Variants in PITPNM1 observed in about 807,000 individuals in gnomAD.
PITPNM1 encodes membrane-associated phosphatidylinositol transfer protein 1.
Under a neutral mutation model 133.3 loss-of-function variants are expected in PITPNM1, and 74 were observed. The ratio of observed to expected loss-of-function variants is 0.56; its 90% CI spans 0.46 to 0.67. The LOEUF is 0.67. Ranked by LOEUF, PITPNM1 falls within the 30% of genes least tolerant of loss-of-function variation. The pLI, the probability that PITPNM1 is intolerant of heterozygous loss-of-function variation, is 0.00. For synonymous variants in PITPNM1, 738 were observed against 741.4 expected (o/e 1.00, Z 0.08); for missense variants, 1,398 against 1,739.5 (o/e 0.80, Z 3.49).
chr11:67,497,396 G>A lies in PITPNM1; in HGVS notation c.1981C>T (p.Arg661Trp), dbSNP rs1189703345. 1.3e-5 allele frequency: 20 copies of A among 1,590,684 alleles called. No individual in the cohort carries two copies. Among genetic ancestry groups the A allele is most frequent in the Middle Eastern group, 1.7e-4 (1 of 5,980 alleles). The stretch of plus-strand genomic sequence containing the variant: ...GGGCAGAAGGCCGTGCTTGCCCGCC[G>A]GGGCTCCCAGGAGGAGGTGGTTGCG... Reference protein sequence around the residue: ...APATTSSWEPRRASTAFCPPA... With the variant: ...APATTSSWEPWRASTAFCPPA... The change falls in exon 14 of 24, where the codon CGG becomes TGG. Residue 661 changes from arginine (R) to tryptophan (W), a missense_variant. Arg to Trp is a moderately radical substitution (Grantham distance 101). Coordinates refer to ENST00000356404, the MANE Select transcript of PITPNM1 (RefSeq NM_004910.3).
At position 67,501,869 on chromosome 11, in the gene PITPNM1, A is replaced by G. The variant is rs1273345618; in HGVS notation, c.633T>C (p.His211=). The change falls in exon 5 of 24, where the codon CAT becomes CAC. Residue 211 remains histidine (H), a synonymous_variant. Transcript: ENST00000356404. ...GMQAKIEQFI[H]DVGLRRVMLR... ...CCGCAGCTGGGTGCTCACCTACATC[A>G]TGGATGAACTGCTCGATCTTGGCTT... The G allele has an allele frequency of 1.9e-6, 3 of 1,613,620 alleles. No individual in the cohort carries two copies. The highest frequency in any genetic ancestry group is 2.5e-6 in the Non-Finnish European group (3 of 1,179,962).
chr11:67,493,989 GGCGGCCCGA>G lies in PITPNM1; in HGVS notation c.2932_2940del (p.Ser978_Arg980del). 1 of 1,612,056 alleles carries G rather than the reference GGCGGCCCGA, an allele frequency of 6.2e-7. No homozygotes were observed. The highest frequency in any genetic ancestry group is 1.1e-5 in the South Asian group (1 of 90,950). On this transcript the variant is annotated inframe_deletion, in exon 20 of 24. Transcript: ENST00000356404. ...CGTTCTGGGGGAACTGGGAAGGTGA[GGCGGCCCGA>G]GCTATTGGTGACTTCGGTGCCAAAG...
At chr11:67,496,401 C>A in intron 14 of PITPNM1, 53 bp from the exon 15 acceptor site, 3 of 1,509,924 alleles carry the variant, frequency 2.0e-6, no homozygotes, top group South Asian at 1.3e-5. Flanking sequence ...CAGCTGGGCA[C>A]TCTGGGAGGT....
In PITPNM1 at chr11:67,499,947, T is replaced by A; in HGVS notation, c.1030A>T (p.Asn344Tyr). 6.2e-7 allele frequency: 1 copy of A among 1,612,420 alleles called. No homozygotes were observed. Among genetic ancestry groups the A allele is most frequent in the Non-Finnish European group, 8.5e-7 (1 of 1,179,792 alleles). The change falls in exon 7 of 24, where the codon AAC becomes TAC. Residue 344 changes from asparagine (N) to tyrosine (Y), a missense_variant. Asn to Tyr is a moderately radical substitution (Grantham distance 143). Around this residue, in one of 5 missense-constraint regions of PITPNM1, gnomAD observed 195 missense variants for 178.8 expected, o/e 1.09. Transcript: ENST00000356404. ...TCAAAGAACTCTTCCTCGGAGCTGT[T>A]CTCAGAGTCTCGGGCAATGTTCTGC... is the stretch of plus-strand genomic sequence containing the variant. Reference protein sequence around the residue: ...RMQNIARDSENSSEEEFFDAH... With the variant: ...RMQNIARDSEYSSEEEFFDAH...
At chr11:67,499,104 G>C in intron 8 of PITPNM1, 103 bp from the exon 9 acceptor site, 2 of 1,132,930 alleles carry the variant, frequency 1.8e-6, no homozygotes, top group Admixed American at 2.5e-5. Flanking sequence ...GAGGCCCCCA[G>C]TCCCTACCTT....
rs1866192440 is a variant in PITPNM1, at chr11:67,498,145, G to T, written c.1662C>A (p.Gly554=). The T allele has an allele frequency of 6.2e-6, 10 of 1,612,826 alleles. No homozygotes were observed. The highest frequency in any genetic ancestry group is 8.5e-6 in the Non-Finnish European group (10 of 1,179,972). The change falls in exon 11 of 24, where the codon GGC becomes GGA. Residue 554 remains glycine (G), a synonymous_variant. Transcript: ENST00000356404. This position sits in a 1 kb window ranked among gnomAD's most constrained non-coding sequence, Gnocchi z 5.7. ...SAFLRSPEGA[G]FCGQVALIGD... ...CCTAACCGCTGACCTGCCCACAGAA[G>T]CCGGCACCCTCAGGTGAGCGCAGGA...
chr11:67,496,455 G>T, intron 14 of PITPNM1, 107 bp from the exon 15 acceptor site: 4 of 1,006,132 alleles, frequency 4.0e-6, no homozygotes, highest in Non-Finnish European at 5.6e-6. Flanking sequence ...GTGACCCCGA[G>T]CCAGCACTTC....
rs1455082560 is a variant in PITPNM1, at chr11:67,496,277, G to A, written c.2218C>T (p.Leu740Phe). 3 of 1,569,098 alleles carry A rather than the reference G, an allele frequency of 1.9e-6. No individual in the cohort carries two copies. Among genetic ancestry groups the A allele is most frequent in the Non-Finnish European group, 2.6e-6 (3 of 1,163,886 alleles). The change falls in exon 15 of 24, where the codon CTC (leucine) becomes TTC (phenylalanine). Residue 740 changes from leucine to phenylalanine, a missense_variant. By Grantham distance (22) the Leu-to-Phe change is conservative (BLOSUM62 0). Coordinates refer to ENST00000356404, the MANE Select transcript of PITPNM1 (RefSeq NM_004910.3). ...FHAADPCASR[L>F]EPLLAPKFQA... ...AACTTCGGGGCCAGCAGGGGCTCGA[G>A]GCGTGAGGCGCAGGGGTCAGCCGCG...
intron 5 of PITPNM1, 32 bp downstream of exon 5, chr11:67,501,830 G>GT (rs745990536): frequency 6.3e-7 from 1 of 1,588,946 alleles, no homozygotes; most frequent in Non-Finnish European, 8.6e-7. Context: ...GGCATGCTGG[G>GT]TAAGTGGGAC....
In PITPNM1 at chr11:67,492,050, G is replaced by A; in HGVS notation, c.3718C>T (p.Leu1240=). Residue 1240 remains leucine (L), a synonymous_variant, in exon 24 of 24, where the codon CTG becomes TTG. Coordinates refer to ENST00000356404, the MANE Select transcript of PITPNM1 (RefSeq NM_004910.3). ...TGTGGGCCTCACTCCTCGCTGTCCA[G>A]CTTCAGGCTGATGCTCCGTGCTTTG... ...RGKARSISLK[L]DSEE The A allele has an allele frequency of 6.2e-7, 1 of 1,612,426 alleles. No individual in the cohort carries two copies. Among genetic ancestry groups the A allele is most frequent in the Non-Finnish European group, 8.5e-7 (1 of 1,179,854 alleles).
chr11:67,499,910 T>A lies in PITPNM1; in HGVS notation c.1063+4A>T. 1 of 1,611,504 alleles carries A rather than the reference T, an allele frequency of 6.2e-7. No homozygotes were observed. The highest frequency in any genetic ancestry group is 1.1e-5 in the South Asian group (1 of 91,060). On this transcript the variant is annotated splice_donor_region_variant and intron_variant, in intron 7 of 23. Transcript: ENST00000356404. ...CCACTCCCAAAAAGGGCCTCAGTGC[T>A]GACCGTGGGCATCAAAGAACTCTTC...
Position 67,502,159 on chromosome 11 carries a change from G to T in PITPNM1, c.416-73C>A. ...CCGCTCCTGGCACCCTCTTGGGACT[G>T]GATGACAGTTCCCGTCCTTTTGCAG... On this transcript the variant is annotated intron_variant, in intron 4 of 23. Coordinates refer to ENST00000356404, the MANE Select transcript of PITPNM1 (RefSeq NM_004910.3). This position sits in a 1 kb window ranked among gnomAD's most constrained non-coding sequence, Gnocchi z 5.9. 1 of 1,557,944 alleles carries T rather than the reference G, an allele frequency of 6.4e-7. No homozygotes were observed. The highest frequency in any genetic ancestry group is 1.4e-5 in the African/African-American group (1 of 73,782).
At position 67,494,260 on chromosome 11, in the gene PITPNM1, G is replaced by A. The variant is rs751785595; in HGVS notation, c.2843C>T (p.Thr948Met). 2.4e-5 allele frequency: 38 copies of A among 1,612,466 alleles called. No homozygotes were observed. Among genetic ancestry groups the A allele is most frequent in the South Asian group, 3.3e-5 (3 of 91,078 alleles). The change falls in exon 19 of 24, where the codon ACG becomes ATG. Residue 948 changes from threonine (T) to methionine (M), a missense_variant. Physicochemically the swap from Thr to Met is moderately conservative, Grantham distance 81. Around this residue, in one of 5 missense-constraint regions of PITPNM1, gnomAD observed 233 missense variants for 378.0 expected, o/e 0.62. Coordinates refer to ENST00000356404, the MANE Select transcript of PITPNM1 (RefSeq NM_004910.3). ...GGTCCTGACCTTCTCTCCAGTGAGC[G>A]TGACGACGTCCAGGGGCCCGTACAT... ...RFMYGPLDVV[T>M]LTGEKVDVYI...
rs532233034 is a variant in PITPNM1, at chr11:67,496,071, C to T, written c.2317+107G>A. 2.1e-4 allele frequency: 233 copies of T among 1,084,600 alleles called. 4 individuals are homozygous for T. The Admixed American group carries it at 7.0e-3, about 32-fold the overall frequency. The allele number at this position is 1,084,600 out of a possible 1,614,324, so 67.2% of individuals were successfully genotyped here. On this transcript the variant is annotated intron_variant, in intron 15 of 23. Transcript: ENST00000356404. ...GAGCGCCTGGTCCTGGGAGTGGTGG[C>T]CTGAGAGGTTTTCCATCGTCTGGGA...
Position 67,497,292 on chromosome 11 carries a change from G to A in PITPNM1, c.2085C>T (p.Leu695=), listed in dbSNP as rs748209475. The part of the protein sequence containing the change: ...RLDFKVSGFF[L]FGSPLGLVLA... Reference sequence around the variant, plus strand: ...GCACCAGGCCCAGTGGGGAGCCGAAGAGGAAGAAGCCAGAGACCTTGAAGT... The same window carrying A: ...GCACCAGGCCCAGTGGGGAGCCGAAAAGGAAGAAGCCAGAGACCTTGAAGT... Residue 695 remains leucine, a synonymous_variant, in exon 14 of 24, where the codon CTC becomes CTT. Coordinates refer to ENST00000356404, the MANE Select transcript of PITPNM1 (RefSeq NM_004910.3). 6.2e-7 allele frequency: 1 copy of A among 1,612,632 alleles called. No homozygotes were observed. The highest frequency in any genetic ancestry group is 2.2e-5 in the East Asian group (1 of 44,882).
chr11:67,498,275 T>A lies in PITPNM1; in HGVS notation c.1532A>T (p.Asp511Val), dbSNP rs775108988. 1 of 1,608,458 alleles carries A rather than the reference T, an allele frequency of 6.2e-7. No individual in the cohort carries two copies. The highest frequency in any genetic ancestry group is 1.1e-5 in the South Asian group (1 of 90,386). ...TGGCAGGGCAGCCAGTGGAATGTGG[T>A]CTTGGGAGCGAGACAGGCTGTCCCC... ...HDGDSLSRSQ[D>V]HIPLAALPLL... The change falls in exon 11 of 24, where the codon GAC becomes GTC. Residue 511 changes from aspartate to valine, a missense_variant. Coordinates refer to ENST00000356404, the MANE Select transcript of PITPNM1 (RefSeq NM_004910.3). This position sits in a 1 kb window ranked among gnomAD's most constrained non-coding sequence, Gnocchi z 5.7.
At chr11:67,493,195 C>T (rs540902974) in intron 22 of PITPNM1, 133 bp from the exon 23 acceptor site, 2 of 1,200,166 alleles carry the variant, frequency 1.7e-6, no homozygotes, top group South Asian at 2.8e-5. Context: ...CCCAGTCCCA[C>T]GGGGACAGGG....
chr11:67,501,660 C>T (rs942046544), intron 5 of PITPNM1, among the ~76,000 whole-genome samples: 1 of 152,164 alleles, frequency 6.6e-6, no homozygotes, highest in Non-Finnish European at 1.5e-5. Flanking sequence ...CCAGTATGGA[C>T]CTTGTAGATC....
Position 67,491,976 on chromosome 11 carries a change from C to A in PITPNM1, c.*57G>T. 1.3e-6 allele frequency: 2 copies of A among 1,562,966 alleles called. No individual in the cohort carries two copies. Among genetic ancestry groups the A allele is most frequent in the South Asian group, 1.2e-5 (1 of 85,642 alleles). On this transcript the variant is annotated 3_prime_UTR_variant, in exon 24 of 24. Transcript: ENST00000356404. ...TGGGTCCCCAGCCTCCCACACGCAG[C>A]CCCTCGGGCCCCTTGGGTGTGTCAA... is the stretch of plus-strand genomic sequence containing the variant.
Sources: allele counts gnomAD v4.1 joint callset (sites outside exome capture counted in the v4.1 genomes callset), GRCh38; gene constraint gnomAD v4.1.1; regional missense constraint gnomAD v4.1.1; non-coding constraint Gnocchi (gnomAD v3.1); transcripts MANE v1.5; gene names NCBI Gene and HGNC (gene_info 2026-07-23, HGNC 2026-07-21).